MAP2K1: variants seen among roughly 807,000 people sequenced by gnomAD.
MAP2K1 encodes the protein mitogen-activated protein kinase kinase 1, also known as dual specificity mitogen-activated protein kinase kinase 1.
MAP2K1 carries 16 observed loss-of-function variants against 46.3 expected under a neutral mutation model. The observed-to-expected ratio is 0.35, with a 90% CI of 0.23 to 0.52. The LOEUF (loss-of-function observed/expected upper bound fraction) is 0.52, where lower values mean the gene tolerates loss of function less well. Ranked by LOEUF, MAP2K1 falls within the 20% of genes least tolerant of loss-of-function variation. The pLI, the probability that MAP2K1 is intolerant of heterozygous loss-of-function variation, is 0.94. For synonymous variants in MAP2K1, 183 were observed against 185.6 expected (o/e 0.99, Z 0.11); for missense variants, 263 against 497.1 (o/e 0.53, Z 4.48).
At chr15:66,488,825 C>T (rs1012535912) in intron 8 of MAP2K1, 2 of 259,258 alleles carry the variant, frequency 7.7e-6, no homozygotes, top group Non-Finnish European at 7.5e-6. Context: ...GTTCCCATGC[C>T]GCACTCCAAG....
At chr15:66,411,976 TCTGA>T (rs1329155811) in intron 1 of MAP2K1, among the ~76,000 whole-genome samples, 2 of 152,220 alleles carry the variant, frequency 1.3e-5, no homozygotes, top group African/African-American at 4.8e-5. Flanking sequence ...CTCCAGACCC[TCTGA>T]CTTCAAGTTC....
chr15:66,390,468 C>T (rs2093353849), intron 1 of MAP2K1, among the ~76,000 whole-genome samples: 1 of 152,144 alleles, frequency 6.6e-6, no homozygotes, highest in Non-Finnish European at 1.5e-5. Flanking sequence ...ACCAAATTGG[C>T]AAGGTTGCTT....
At chr15:66,468,669 A>AT (rs1892528241) in intron 5 of MAP2K1, among the ~76,000 whole-genome samples, 1 of 152,168 alleles carries the variant, frequency 6.6e-6, no homozygotes, top group South Asian at 2.1e-4. Flanking sequence ...GCGGTGGCTC[A>AT]CACCTGTAAT....
At chr15:66,389,041 G>A (rs1344654241) in intron 1 of MAP2K1, among the ~76,000 whole-genome samples, 4 of 151,326 alleles carry the variant, frequency 2.6e-5, no homozygotes, top group African/African-American at 9.7e-5. Context: ...CGAGTAGCTG[G>A]GATTACAGGC....
At chr15:66,490,345 C>A (rs1305330685) in intron 10 of MAP2K1, 157 bp from the exon 11 acceptor site, 1 of 728,300 alleles carries the variant, frequency 1.4e-6, no homozygotes, top group East Asian at 2.6e-5. Flanking sequence ...GTCTTTGGGC[C>A]TGCAGCTGGC....
At chr15:66,428,322 G>A (rs1030766456) in intron 1 of MAP2K1, among the ~76,000 whole-genome samples, 10 of 101,232 alleles carry the variant, frequency 9.9e-5, no homozygotes, top group Non-Finnish European at 2.0e-4. Context: ...GTGTGTGTGT[G>A]TGTATGAGAG....
chr15:66,465,205 G>A (rs959762892), intron 5 of MAP2K1, among the ~76,000 whole-genome samples: 1 of 152,064 alleles, frequency 6.6e-6, no homozygotes, highest in Non-Finnish European at 1.5e-5. Flanking sequence ...ACAAGTCGCA[G>A]ACAAAACCCC....
At chr15:66,392,641 C>T (rs2093359466) in intron 1 of MAP2K1, among the ~76,000 whole-genome samples, 1 of 151,280 alleles carries the variant, frequency 6.6e-6, no homozygotes, top group African/African-American at 2.4e-5. Flanking sequence ...GCAACCTCCG[C>T]CCCCCAGGTT....
intron 1 of MAP2K1, among the ~76,000 whole-genome samples, chr15:66,404,987 G>T (rs1301514383): frequency 6.6e-6 from 1 of 152,176 alleles, no homozygotes; most frequent in East Asian, 1.9e-4. Flanking sequence ...TAAGTCAGAA[G>T]ACATGGAACT....
rs74784579 is a variant in MAP2K1 at position 66,446,953 on chromosome 15, A to G, written c.568+2246A>G. Among the ~76,000 whole-genome samples the G allele has an allele frequency of 9.9e-3, 1,509 of 152,306 alleles. 55 individuals are homozygous for G. Among genetic ancestry groups the G allele is most frequent in the Admixed American group, 0.062 (941 of 15,290 alleles). On this transcript the variant is annotated intron_variant, in intron 5 of 10. Coordinates refer to ENST00000307102, the MANE Select transcript of MAP2K1 (RefSeq NM_002755.4). ...TATAGTATGTAAATTATACCTCAGT[A>G]TAGTTGCTTTTAAAGAAGATGAAGC...
intron 1 of MAP2K1, among the ~76,000 whole-genome samples, chr15:66,395,266 AAAG>A (rs1399404906): frequency 2.0e-5 from 3 of 152,326 alleles, no homozygotes; most frequent in East Asian, 3.9e-4. Flanking sequence ...AACCAATAAA[AAAG>A]AATTATAACA....
At chr15:66,488,628 A>C (rs776186656) in intron 8 of MAP2K1, 60 of 183,694 alleles carry the variant, frequency 3.3e-4, no homozygotes, top group Non-Finnish European at 6.1e-4. Context: ...TCTGGAATGT[A>C]CAGGTAACAT....
At chr15:66,440,353 A>G (rs1351488416) in intron 3 of MAP2K1, among the ~76,000 whole-genome samples, 4 of 152,126 alleles carry the variant, frequency 2.6e-5, no homozygotes, top group Non-Finnish European at 5.9e-5. Context: ...CGGCCTCTCA[A>G]AGTGCTGGGA....
intron 5 of MAP2K1, chr15:66,453,616 G>A: frequency 1.4e-6 from 1 of 700,982 alleles, no homozygotes; most frequent in East Asian, 2.7e-5. Flanking sequence ...CCCTGCCTAT[G>A]GGCTTCCTCA....
chr15:66,432,700 A>C (rs1320192440), intron 1 of MAP2K1, among the ~76,000 whole-genome samples: 1 of 152,164 alleles, frequency 6.6e-6, no homozygotes, highest in Non-Finnish European at 1.5e-5. Context: ...GAGCTTTTTG[A>C]AGATAATATA....
intron 1 of MAP2K1, chr15:66,414,804 T>G: frequency 9.8e-6 from 2 of 203,070 alleles, no homozygotes; most frequent in Admixed American, 6.1e-5. Flanking sequence ...TTTCCCCCAG[T>G]CATCTTTTAT....
rs761700522 is a variant in MAP2K1 at position 66,448,805 on chromosome 15, C to T, written c.568+4098C>T. ...AATCACAAGGTCAGGAGTTCAAGAC[C>T]AGCCTGGCCAACATGGTGAAACCCC... On this transcript the variant is annotated intron_variant, in intron 5 of 10. Coordinates refer to ENST00000307102, the MANE Select transcript of MAP2K1 (RefSeq NM_002755.4). Among the ~76,000 whole-genome samples, 63 of 152,102 alleles carry T rather than the reference C, an allele frequency of 4.1e-4. 1 individual carries two copies. Among genetic ancestry groups the T allele is most frequent in the Middle Eastern group, 3.4e-3 (1 of 294 alleles).
intron 1 of MAP2K1, among the ~76,000 whole-genome samples, chr15:66,396,379 C>G (rs531608106): frequency 4.0e-4 from 61 of 152,126 alleles, no homozygotes; most frequent in African/African-American, 1.4e-3. Flanking sequence ...CCCACATTTT[C>G]CTGCCTCGGC....
At chr15:66,435,652 G>C (rs1408655103) in intron 2 of MAP2K1, among the ~76,000 whole-genome samples, 1 of 152,056 alleles carries the variant, frequency 6.6e-6, no homozygotes, top group Non-Finnish European at 1.5e-5. Flanking sequence ...TTGAATGCTT[G>C]TTATCTATAT....
Sources: allele counts gnomAD v4.1 joint callset (sites outside exome capture counted in the v4.1 genomes callset), GRCh38; gene constraint gnomAD v4.1.1; transcripts MANE v1.5; gene names NCBI Gene and HGNC (gene_info 2026-07-23, HGNC 2026-07-21).